Variants in GBP7 observed in about 807,000 individuals in gnomAD.
GBP7 encodes the protein guanylate-binding protein 7.
Under a neutral mutation model 61.3 loss-of-function variants are expected in GBP7, and 43 were observed. That is an observed-to-expected ratio of 0.70 (90% CI 0.55 to 0.91). GBP7 has a LOEUF of 0.91. Among genes scored for constraint, GBP7 ranks in the 40% least tolerant of loss-of-function variants. The pLI, the probability that GBP7 is intolerant of heterozygous loss-of-function variation, is 0.00. For synonymous variants in GBP7, 267 were observed against 271.0 expected (o/e 0.99, Z 0.14); for missense variants, 717 against 740.5 (o/e 0.97, Z 0.37).
At position 89,149,530 on chromosome 1, in the gene GBP7, C is replaced by G. The variant is rs138773117; in HGVS notation, c.914G>C (p.Ser305Thr). Residue 305 changes from serine (S) to threonine (T), a missense_variant, in exon 7 of 11, where the codon AGT (serine) becomes ACT (threonine). By Grantham distance (58) the Ser-to-Thr change is moderately conservative (BLOSUM62 1). Coordinates refer to ENST00000294671, the MANE Select transcript of GBP7 (RefSeq NM_207398.3). ...ATTCTCCAGACAAGGAGTCGCTCCA[C>G]TGTTGATGGCATCCAGGTAGGTCTC... ...LVETYLDAIN[S>T]GATPCLENAM... is the part of the protein sequence containing the mutation. 1.4e-5 allele frequency: 22 copies of G among 1,614,052 alleles called. No individual in the cohort carries two copies. The African/African-American group carries it at 2.7e-4, about 20-fold the overall frequency.
At chr1:89,157,386 A>G (rs1314708048) in intron 3 of GBP7, among the ~76,000 whole-genome samples, 2 of 152,216 alleles carry the variant, frequency 1.3e-5, no homozygotes, top group East Asian at 1.9e-4. Flanking sequence ...GAGACACAAA[A>G]AAACCCTTCA....
intron 7 of GBP7, among the ~76,000 whole-genome samples, chr1:89,148,943 T>A (rs940664013): frequency 1.3e-5 from 2 of 152,226 alleles, no homozygotes; most frequent in Non-Finnish European, 2.9e-5. Context: ...ATGAAATTAC[T>A]AAATCAAGCT....
chr1:89,152,498 C>T (rs1682227294), intron 4 of GBP7, 34 bp from the exon 5 acceptor site: 5 of 1,592,820 alleles, frequency 3.1e-6, no homozygotes, highest in Non-Finnish European at 4.3e-6. Context: ...TAGCACCCTA[C>T]ACCATCATTT....
At chr1:89,173,085 T>C (rs1647648478) in intron 1 of GBP7, among the ~76,000 whole-genome samples, 1 of 152,154 alleles carries the variant, frequency 6.6e-6, no homozygotes, top group Non-Finnish European at 1.5e-5. Flanking sequence ...CCATCATATT[T>C]TCAGCGCTTC....
intron 3 of GBP7, among the ~76,000 whole-genome samples, chr1:89,153,722 T>C (rs1312076003): frequency 1.3e-5 from 2 of 151,924 alleles, no homozygotes; most frequent in African/African-American, 4.8e-5. Flanking sequence ...AAAGTCGTAA[T>C]GTAAAAAACA....
At chr1:89,136,007 G>A (rs1188662012) in intron 9 of GBP7, among the ~76,000 whole-genome samples, 2 of 152,162 alleles carry the variant, frequency 1.3e-5, no homozygotes, top group African/African-American at 4.8e-5. Context: ...AGCAGGGGTT[G>A]CTATTCTTAT....
chr1:89,162,538 T>C (rs1313079910), intron 3 of GBP7, among the ~76,000 whole-genome samples: 3 of 152,138 alleles, frequency 2.0e-5, no homozygotes, highest in Non-Finnish European at 1.5e-5. Context: ...GAATGGGAGT[T>C]TGTTCCTGAT....
At chr1:89,133,480 G>T (rs373051132) in intron 9 of GBP7, 29 bp from the exon 10 acceptor site, 33 of 1,591,882 alleles carry the variant, frequency 2.1e-5, no homozygotes, top group Non-Finnish European at 2.8e-5. Flanking sequence ...ACAGAGGGAA[G>T]AAAATAACAG....
At chr1:89,143,744 C>T (rs1425988637) in intron 8 of GBP7, among the ~76,000 whole-genome samples, 1 of 152,018 alleles carries the variant, frequency 6.6e-6, no homozygotes. Context: ...TTTAAATGAC[C>T]AGACCTCCAG....
chr1:89,161,165 TTA>T (rs1219815419), intron 3 of GBP7, among the ~76,000 whole-genome samples: 1 of 152,226 alleles, frequency 6.6e-6, no homozygotes, highest in Non-Finnish European at 1.5e-5. Context: ...CACATTTTCT[TTA>T]TCTAGTCTAT....
In GBP7 at chr1:89,154,239, G is replaced by A. The variant is rs189272599; in HGVS notation, c.319-1462C>T. The stretch of plus-strand genomic sequence containing the variant: ...TTCAAATCAATATTTTATCTTTGTT[G>A]TACACTGAAATGATGATTGATAACT... On this transcript the variant is annotated intron_variant, in intron 3 of 10. Coordinates refer to ENST00000294671, the MANE Select transcript of GBP7 (RefSeq NM_207398.3). 4.4e-3 allele frequency among the ~76,000 whole-genome samples: 671 copies of A among 152,216 alleles called. 1 individual carries two copies. The highest frequency in any genetic ancestry group is 0.01 in the Middle Eastern group (3 of 294).
intron 3 of GBP7, among the ~76,000 whole-genome samples, chr1:89,156,210 A>ACAT (rs2100651572): frequency 6.6e-6 from 1 of 152,360 alleles, no homozygotes; most frequent in African/African-American, 2.4e-5. Flanking sequence ...GAAGCACTAA[A>ACAT]CATAGAAAGG....
chr1:89,172,766 T>C (rs1313653654), intron 1 of GBP7, among the ~76,000 whole-genome samples: 2 of 151,886 alleles, frequency 1.3e-5, no homozygotes, highest in Admixed American at 1.3e-4. Context: ...CATACTTTTT[T>C]TTTTTTCAGC....
intron 3 of GBP7, among the ~76,000 whole-genome samples, chr1:89,159,224 A>G (rs1420134719): frequency 6.6e-6 from 1 of 152,246 alleles, no homozygotes; most frequent in Non-Finnish European, 1.5e-5. Context: ...AATGGATTAA[A>G]GTCTTAAATG....
intron 2 of GBP7, among the ~76,000 whole-genome samples, chr1:89,170,812 T>C (rs1647575993): frequency 2.0e-5 from 3 of 152,144 alleles, no homozygotes; most frequent in Admixed American, 2.0e-4. Context: ...AAAGGCTACT[T>C]CTGTACTTCC....
chr1:89,166,060 G>A (rs1012413208), intron 2 of GBP7, among the ~76,000 whole-genome samples: 3 of 152,056 alleles, frequency 2.0e-5, no homozygotes, highest in Admixed American at 2.0e-4. Context: ...CCAGATCTAC[G>A]AGAAATAAGT....
At chr1:89,169,573 T>G (rs1330517238) in intron 2 of GBP7, among the ~76,000 whole-genome samples, 1 of 152,208 alleles carries the variant, frequency 6.6e-6, no homozygotes, top group East Asian at 1.9e-4. Flanking sequence ...TGGACTAAAT[T>G]TTGAATTCTT....
rs543906105 is a variant in GBP7, at chr1:89,148,513, C to T, written c.1153-734G>A. ...GAGAGTATTCAAGTAGTACTGAGTA[C>T]ACTCAAGAAAGTATTTAAGAATTAC... is the stretch of plus-strand genomic sequence containing the variant. On this transcript the variant is annotated intron_variant, in intron 7 of 10. Transcript: ENST00000294671. Among the ~76,000 whole-genome samples, 18 of 152,290 alleles carry T rather than the reference C, an allele frequency of 1.2e-4. 1 individual carries two copies. In the South Asian group the frequency reaches 2.5e-3, roughly 21 times the overall value.
At chr1:89,170,792 A>G (rs536678588) in intron 2 of GBP7, among the ~76,000 whole-genome samples, 2 of 152,236 alleles carry the variant, frequency 1.3e-5, no homozygotes, top group South Asian at 4.2e-4. Context: ...CCAAACTACA[A>G]CCTTGCGACA....
Sources: allele counts gnomAD v4.1 joint callset (sites outside exome capture counted in the v4.1 genomes callset), GRCh38; gene constraint gnomAD v4.1.1; transcripts MANE v1.5; gene names NCBI Gene and HGNC (gene_info 2026-07-23, HGNC 2026-07-21).